CACHD1: variants seen among roughly 807,000 people sequenced by gnomAD.
The protein encoded by CACHD1 is VWFA and cache domain-containing protein 1.
In CACHD1, 71 loss-of-function variants were observed where a neutral mutation model predicts 138.7. The observed-to-expected ratio is 0.51, with a 90% CI of 0.42 to 0.62. The LOEUF (loss-of-function observed/expected upper bound fraction) is 0.62. Ranked by LOEUF, CACHD1 falls within the 20% of genes least tolerant of loss-of-function variation. The pLI, the probability that CACHD1 is intolerant of heterozygous loss-of-function variation, is 0.00. For synonymous variants in CACHD1, 578 were observed against 591.5 expected, an observed-to-expected ratio of 0.98 and a Z score of 0.33; for missense variants, 1,389 against 1,625.3, an observed-to-expected ratio of 0.85 and a Z score of 2.50.
At chr1:64,638,070 TC>T (rs1648583096) in intron 7 of CACHD1, among the ~76,000 whole-genome samples, 1 of 152,158 alleles carries the variant, frequency 6.6e-6, no homozygotes, top group South Asian at 2.1e-4. Flanking sequence ...ATATTCAGTT[TC>T]CTATAAGACT....
chr1:64,667,047 A>G (rs1465913298), intron 16 of CACHD1, among the ~76,000 whole-genome samples: 1 of 152,172 alleles, frequency 6.6e-6, no homozygotes, highest in Non-Finnish European at 1.5e-5. Context: ...AGAATGCTAT[A>G]TCAATATCAC....
intron 2 of CACHD1, among the ~76,000 whole-genome samples, chr1:64,568,565 C>A (rs1021604992): frequency 6.6e-6 from 1 of 152,148 alleles, no homozygotes; most frequent in African/African-American, 2.4e-5. Context: ...TTGGAGCCAT[C>A]TTGTTTCTAT....
chr1:64,665,058 A>G (rs1050463026), intron 15 of CACHD1, among the ~76,000 whole-genome samples: 5 of 152,232 alleles, frequency 3.3e-5, no homozygotes, highest in Non-Finnish European at 7.3e-5. Flanking sequence ...ACACAAATTC[A>G]AAAACATTCT....
chr1:64,531,495 T>TTGTGTGTGTG (rs68180558), intron 1 of CACHD1, among the ~76,000 whole-genome samples: 169 of 146,882 alleles, frequency 1.2e-3, no homozygotes, highest in African/African-American at 4.1e-3. Context: ...ATGAATGTGG[T>TTGTGTGTGTG]TGTGTGTGTG....
At chr1:64,669,273 G>A (rs566865616) in intron 16 of CACHD1, among the ~76,000 whole-genome samples, 1 of 152,176 alleles carries the variant, frequency 6.6e-6, no homozygotes, top group Non-Finnish European at 1.5e-5. Context: ...CAAGTGCTTA[G>A]TACTGTACTT....
chr1:64,669,764 AT>A (rs1371134425), intron 16 of CACHD1, among the ~76,000 whole-genome samples: 1 of 152,124 alleles, frequency 6.6e-6, no homozygotes, highest in African/African-American at 2.4e-5. Context: ...GCAGGTGAAA[AT>A]ATGAATCCTA....
intron 4 of CACHD1, among the ~76,000 whole-genome samples, chr1:64,611,106 G>C (rs1647516672): frequency 6.6e-6 from 1 of 152,218 alleles, no homozygotes; most frequent in Non-Finnish European, 1.5e-5. Context: ...CTGGGACACA[G>C]AGCACCACAT....
chr1:64,524,808 G>A (rs1646524303), intron 1 of CACHD1, among the ~76,000 whole-genome samples: 1 of 152,040 alleles, frequency 6.6e-6, no homozygotes, highest in South Asian at 2.1e-4. Flanking sequence ...GATGATGATA[G>A]CTTTAGTGTG....
At chr1:64,579,347 T>G (rs565352732) in intron 2 of CACHD1, among the ~76,000 whole-genome samples, 2 of 152,308 alleles carry the variant, frequency 1.3e-5, no homozygotes, top group African/African-American at 2.4e-5. Flanking sequence ...ATCCTCCAAA[T>G]GTGTAGAAGA....
intron 26 of CACHD1, among the ~76,000 whole-genome samples, chr1:64,690,304 T>C (rs1219921549): frequency 6.6e-6 from 1 of 152,218 alleles, no homozygotes; most frequent in Non-Finnish European, 1.5e-5. Flanking sequence ...CAATGACTCC[T>C]GCTTGGCTGC....
chr1:64,540,673 G>A (rs1646670701), intron 1 of CACHD1, among the ~76,000 whole-genome samples: 1 of 152,144 alleles, frequency 6.6e-6, no homozygotes, highest in African/African-American at 2.4e-5. Flanking sequence ...TTTGAATGCT[G>A]TAACAGGAAA....
At position 64,634,213 on chromosome 1, in the gene CACHD1, C is replaced by T; in HGVS notation, c.959C>T (p.Ala320Val). 6.2e-7 allele frequency: 1 copy of T among 1,613,894 alleles called. No homozygotes were observed. The highest frequency in any genetic ancestry group is 8.5e-7 in the Non-Finnish European group (1 of 1,179,982). ...PTQHAVGFQK[A>V]FQLIRSTNNN... ...CAGCACGCAGTGGGATTCCAAAAGG[C>T]ATTTCAGCTGATTCGAAGTACAAAC... Residue 320 changes from alanine to valine, a missense_variant, in exon 7 of 27, where the codon GCA becomes GTA. Physicochemically the swap from Ala to Val is moderately conservative, Grantham distance 64. Transcript: ENST00000651257.
At chr1:64,519,699 G>A (rs1266152684) in intron 1 of CACHD1, among the ~76,000 whole-genome samples, 3 of 152,254 alleles carry the variant, frequency 2.0e-5, no homozygotes, top group African/African-American at 7.2e-5. Flanking sequence ...AAAACTTGAT[G>A]TTTTAGTTAG....
chr1:64,539,768 C>T (rs1245762673), intron 1 of CACHD1, among the ~76,000 whole-genome samples: 1 of 152,178 alleles, frequency 6.6e-6, no homozygotes, highest in Non-Finnish European at 1.5e-5. Flanking sequence ...ATACTAAGCG[C>T]CAGACCCTCT....
chr1:64,557,027 G>A (rs921206732), intron 2 of CACHD1, among the ~76,000 whole-genome samples: 11 of 152,152 alleles, frequency 7.2e-5, no homozygotes, highest in African/African-American at 2.7e-4. Context: ...GCTGAGGCAG[G>A]AGAATGGCGC....
intron 9 of CACHD1, among the ~76,000 whole-genome samples, chr1:64,648,731 G>T (rs925488343): frequency 6.6e-6 from 1 of 152,120 alleles, no homozygotes; most frequent in Non-Finnish European, 1.5e-5. Flanking sequence ...ACCCATAACA[G>T]GATGTTGAGT....
chr1:64,526,753 A>G (rs1226634804), intron 1 of CACHD1, among the ~76,000 whole-genome samples: 2 of 152,220 alleles, frequency 1.3e-5, no homozygotes, highest in Non-Finnish European at 2.9e-5. Flanking sequence ...GCCCTGCCGT[A>G]TGAGAGTCTC....
chr1:64,525,846 AT>A (rs1646534455), intron 1 of CACHD1, among the ~76,000 whole-genome samples: 1 of 152,104 alleles, frequency 6.6e-6, no homozygotes, highest in Non-Finnish European at 1.5e-5. Context: ...TGCCTACACA[AT>A]TTTCATGTGG....
rs79050054 is a variant in CACHD1, at chr1:64,623,538, A to G, written c.518-5817A>G. Among the ~76,000 whole-genome samples, 253 of 152,280 alleles carry G rather than the reference A, an allele frequency of 1.7e-3. 2 individuals carry two copies. Among genetic ancestry groups the G allele is most frequent in the African/African-American group, 6.0e-3 (250 of 41,552 alleles). On this transcript the variant is annotated intron_variant, in intron 4 of 26. Transcript: ENST00000651257. ...CAGAGAATGTGTGCCTCAATGTGAAAAGAACTAGGAATCTCTGCTTTAGGA... is the reference window on the plus strand; with the variant it reads ...CAGAGAATGTGTGCCTCAATGTGAAGAGAACTAGGAATCTCTGCTTTAGGA...
Sources: allele counts gnomAD v4.1 joint callset (sites outside exome capture counted in the v4.1 genomes callset), GRCh38; gene constraint gnomAD v4.1.1; transcripts MANE v1.5; gene names NCBI Gene and HGNC (gene_info 2026-07-23, HGNC 2026-07-21).